Variants in GRXCR2 observed in about 807,000 individuals in gnomAD.
The protein encoded by GRXCR2 is glutaredoxin domain-containing cysteine-rich protein 2.
In GRXCR2, 23 loss-of-function variants were observed where a neutral mutation model predicts 24.8. The ratio of observed to expected loss-of-function variants is 0.93; its 90% CI spans 0.67 to 1.32. The LOEUF (loss-of-function observed/expected upper bound fraction) is 1.32. GRXCR2 is among the 40% of genes most tolerant of loss of function. GRXCR2 has a pLI of 0.00. For missense variants in GRXCR2, 315 were observed against 303.4 expected (o/e 1.04, Z -0.28); for synonymous variants, 130 against 116.1 (o/e 1.12, Z -0.77).
intron 2 of GRXCR2, among the ~76,000 whole-genome samples, chr5:145,909,549 T>A (rs1406609784): frequency 2.0e-5 from 3 of 152,244 alleles, no homozygotes; most frequent in African/African-American, 7.2e-5. Flanking sequence ...TAACTGCCTG[T>A]AATGTTACCC....
At chr5:145,916,155 C>T (rs1180637627) in intron 2 of GRXCR2, among the ~76,000 whole-genome samples, 1 of 151,958 alleles carries the variant, frequency 6.6e-6, no homozygotes, top group African/African-American at 2.4e-5. Context: ...TCTGCTGGGG[C>T]AGAAATCATG....
At chr5:145,926,092 T>G (rs1401163157) in intron 2 of GRXCR2, among the ~76,000 whole-genome samples, 1 of 152,176 alleles carries the variant, frequency 6.6e-6, no homozygotes, top group Non-Finnish European at 1.5e-5. Context: ...AAACATTTAC[T>G]GATTTCATCA....
chr5:145,879,227 A>C (rs1251368129), intron 2 of GRXCR2, among the ~76,000 whole-genome samples: 2 of 152,178 alleles, frequency 1.3e-5, no homozygotes, highest in Non-Finnish European at 1.5e-5. Flanking sequence ...CTAAATGCTC[A>C]AATTAAAAGA....
intron 2 of GRXCR2, among the ~76,000 whole-genome samples, chr5:145,916,370 T>C (rs917174066): frequency 1.3e-5 from 2 of 152,174 alleles, no homozygotes; most frequent in African/African-American, 4.8e-5. Context: ...CTGACATTTT[T>C]CCAGGCTGGG....
chr5:145,869,558 TC>T (rs1352697053), intron 1 of GRXCR2, among the ~76,000 whole-genome samples: 1 of 129,064 alleles, frequency 7.7e-6, no homozygotes, highest in Non-Finnish European at 1.6e-5. Context: ...TCTCTCTCTC[TC>T]TTTTTTTTTT....
At chr5:145,928,326 A>C (rs1757430031) in intron 2 of GRXCR2, among the ~76,000 whole-genome samples, 1 of 152,322 alleles carries the variant, frequency 6.6e-6, no homozygotes, top group African/African-American at 2.4e-5. Context: ...TAGTTCAACC[A>C]CTGTGGAAGT....
intron 1 of GRXCR2, among the ~76,000 whole-genome samples, chr5:145,868,661 G>A (rs1290387332): frequency 6.6e-6 from 1 of 152,118 alleles, no homozygotes; most frequent in East Asian, 1.9e-4. Flanking sequence ...TTCATCTCTA[G>A]AGCTGATTTT....
At chr5:145,905,222 T>C (rs1757074495) in intron 2 of GRXCR2, among the ~76,000 whole-genome samples, 1 of 152,238 alleles carries the variant, frequency 6.6e-6, no homozygotes, top group South Asian at 2.1e-4. Context: ...TTCTTATCCT[T>C]ACCACTTATC....
rs1308240633 is a variant in GRXCR2 at position 145,859,392 on chromosome 5, C to T, written c.*341G>A. 8.1e-6 allele frequency: 2 copies of T among 247,278 alleles called. No homozygotes were observed. Among genetic ancestry groups the T allele is most frequent in the Non-Finnish European group, 1.6e-5 (2 of 128,324 alleles). 15.3% of individuals were successfully genotyped at this position (247,278 alleles called of 1,614,324 possible). A position where few individuals can be genotyped will look rare whatever the true frequency, so the allele number is the denominator to read the frequency against. Reference sequence around the variant, plus strand: ...CTCACCACATAATTTTGCAAAATAACTCCCAACCTGATGCCTGAAGTGTAC... The same window carrying T: ...CTCACCACATAATTTTGCAAAATAATTCCCAACCTGATGCCTGAAGTGTAC... On this transcript the variant is annotated 3_prime_UTR_variant, in exon 3 of 3. Transcript: ENST00000377976.
At chr5:145,885,410 T>C (rs890217783) in intron 2 of GRXCR2, among the ~76,000 whole-genome samples, 7 of 152,174 alleles carry the variant, frequency 4.6e-5, no homozygotes, top group East Asian at 3.8e-4. Flanking sequence ...GGGCGTTTCA[T>C]TGTGGTCCTG....
chr5:145,930,060 C>CTTTATTTA lies in GRXCR2; in HGVS notation c.-70+5633_-70+5640dup, dbSNP rs77261565. ...GAGAAAGCCTCAGTTTTGGGCTAGT[C>CTTTATTTA]TTTATTTATTTATTTATTTATTATT... On this transcript the variant is annotated intron_variant, in intron 2 of 3. Coordinates refer to the GRXCR2 transcript ENST00000639411. Among the ~76,000 whole-genome samples the CTTTATTTA allele has an allele frequency of 5.8e-3, 878 of 151,164 alleles. 5 individuals are homozygous for CTTTATTTA. The highest frequency in any genetic ancestry group is 0.019 in the African/African-American group (788 of 41,240).
intron 2 of GRXCR2, among the ~76,000 whole-genome samples, chr5:145,880,746 A>G (rs774312519): frequency 6.6e-6 from 1 of 152,210 alleles, no homozygotes; most frequent in Non-Finnish European, 1.5e-5. Flanking sequence ...TTTTAGACGA[A>G]TATCCCTGAT....
intron 2 of GRXCR2, among the ~76,000 whole-genome samples, chr5:145,864,604 A>G (rs1298777552): frequency 1.3e-5 from 2 of 152,076 alleles, no homozygotes; most frequent in African/African-American, 4.8e-5. Context: ...GTTTTAAAGC[A>G]TGGCACTTTC....
chr5:145,889,066 G>A (rs1424760148), intron 2 of GRXCR2, among the ~76,000 whole-genome samples: 1 of 151,882 alleles, frequency 6.6e-6, no homozygotes, highest in Non-Finnish European at 1.5e-5. Flanking sequence ...CCTGAGGCAG[G>A]AGAATCGCCT....
chr5:145,875,332 C>T (rs1008574653), upstream of GRXCR2, among the ~76,000 whole-genome samples: 3 of 152,268 alleles, frequency 2.0e-5, no homozygotes, highest in African/African-American at 4.8e-5. Flanking sequence ...AGGTGGATCA[C>T]GAGGTCAAGA....
chr5:145,885,508 C>A (rs1253445089), intron 2 of GRXCR2, among the ~76,000 whole-genome samples: 1 of 152,126 alleles, frequency 6.6e-6, no homozygotes, highest in East Asian at 1.9e-4. Flanking sequence ...GATCAAGGGG[C>A]TCTGCTTAGA....
intron 2 of GRXCR2, among the ~76,000 whole-genome samples, chr5:145,923,245 A>C (rs559880708): frequency 1.3e-5 from 2 of 152,338 alleles, no homozygotes; most frequent in East Asian, 1.9e-4. Context: ...TCTACTTTAC[A>C]TATAATAAGT....
Position 145,928,035 on chromosome 5 carries a change from T to A in GRXCR2, c.-70+7666A>T, listed in dbSNP as rs575440824. 6.6e-5 allele frequency among the ~76,000 whole-genome samples: 10 copies of A among 151,452 alleles called. 1 individual carries two copies. Among genetic ancestry groups the A allele is most frequent in the Admixed American group, 6.6e-4 (10 of 15,156 alleles). On this transcript the variant is annotated intron_variant, in intron 2 of 3. Coordinates refer to the GRXCR2 transcript ENST00000639411. ...AAGGGCTAATATCCAGAATCTACAA[T>A]GAACTCAAACAAATTTACAAGAAAA...
chr5:145,874,760 G>A (rs1039196267), upstream of GRXCR2, among the ~76,000 whole-genome samples: 1 of 152,198 alleles, frequency 6.6e-6, no homozygotes, highest in African/African-American at 2.4e-5. Context: ...GACAAGCAAA[G>A]CCCCTCAAAA....
Sources: allele counts gnomAD v4.1 joint callset (sites outside exome capture counted in the v4.1 genomes callset), GRCh38; gene constraint gnomAD v4.1.1; transcripts MANE v1.5; gene names NCBI Gene and HGNC (gene_info 2026-07-23, HGNC 2026-07-21).